KCP: variants seen among roughly 807,000 people sequenced by gnomAD.
KCP encodes kielin cysteine rich BMP regulator.
A neutral mutation model predicts 212.7 loss-of-function variants in KCP; 194 were observed. The observed-to-expected ratio is 0.91, with a 90% CI of 0.81 to 1.03. The LOEUF (loss-of-function observed/expected upper bound fraction) is 1.03, where lower values mean the gene tolerates loss of function less well. KCP is among the 50% of genes least tolerant of loss of function. The pLI, the probability that KCP is intolerant of heterozygous loss-of-function variation, is 0.00. For missense variants in KCP, 2,080 were observed against 2,162.5 expected, an observed-to-expected ratio of 0.96 and a Z score of 0.76; for synonymous variants, 833 against 865.3, an observed-to-expected ratio of 0.96 and a Z score of 0.65.
At chr7:128,894,172 C>T (rs1794373996) in intron 9 of KCP, 28 bp downstream of exon 9, 1 of 1,511,380 alleles carries the variant, frequency 6.6e-7, no homozygotes, top group East Asian at 2.5e-5. Context: ...CCACCATGGT[C>T]AGGCCTCTGC....
chr7:128,877,152 T>G lies in KCP; in HGVS notation c.4778A>C (p.His1593Pro). The G allele has an allele frequency of 1.3e-6, 2 of 1,501,976 alleles. No homozygotes were observed. Among genetic ancestry groups the G allele is most frequent in the Non-Finnish European group, 1.8e-6 (2 of 1,126,612 alleles). 93.0% of individuals were successfully genotyped at this position (1,501,976 alleles called of 1,614,324 possible). A position where few individuals can be genotyped will look rare whatever the true frequency, so the allele number is the denominator to read the frequency against. ...GCQCPAGLVEHEAHCIPPEAC... is the reference protein window; with the variant it reads ...GCQCPAGLVEPEAHCIPPEAC... The stretch of plus-strand genomic sequence containing the variant: ...CTCGGGTGGGATGCAGTGGGCCTCA[T>G]GCTCCACCAGGCCTGCAGGGCACTG... Residue 1593 changes from histidine to proline, a missense_variant, in exon 40 of 40, where the codon CAT (histidine) becomes CCT (proline). Physicochemically the swap from His to Pro is moderately conservative, Grantham distance 77 (BLOSUM62 -2). Transcript: ENST00000610776.
At chr7:128,901,948 CT>C (rs1554417013) in intron 8 of KCP, among the ~76,000 whole-genome samples, 1 of 152,196 alleles carries the variant, frequency 6.6e-6, no homozygotes, top group Non-Finnish European at 1.5e-5. Context: ...CCTACTTACC[CT>C]TTGAGGCCTA....
In KCP at chr7:128,891,458, C is replaced by T. The variant is rs1247920851; in HGVS notation, c.1871G>A (p.Arg624His). ...PHPSDPCRLC[R>H]CLSGNVQCLA... ...ACCCAGGTGCAGACTCACCAGACAG[C>T]GACACAGACGGCAGGGGTCAGAGGG... The change falls in exon 18 of 40, where the codon CGC becomes CAC. Residue 624 changes from arginine to histidine, a missense_variant. By Grantham distance (29) the Arg-to-His change is conservative. Coordinates refer to ENST00000610776, the MANE Select transcript of KCP (RefSeq NM_001366122.1). 2.3e-5 allele frequency: 36 copies of T among 1,550,304 alleles called. No homozygotes were observed. The highest frequency in any genetic ancestry group is 3.0e-5 in the Non-Finnish European group (34 of 1,146,730).
chr7:128,904,037 A>C lies in KCP; in HGVS notation c.654+19T>G. 1 of 1,548,738 alleles carries C rather than the reference A, an allele frequency of 6.5e-7. No homozygotes were observed. Among genetic ancestry groups the C allele is most frequent in the Non-Finnish European group, 8.7e-7 (1 of 1,144,462 alleles). On this transcript the variant is annotated intron_variant, in intron 6 of 39. Coordinates refer to ENST00000610776, the MANE Select transcript of KCP (RefSeq NM_001366122.1). Reference sequence around the variant, plus strand: ...CCAGGGAGGTGCAGGGCCTGGGCAGAGGGGACAGGTGGACTCACCAGGCAG... The same window carrying C: ...CCAGGGAGGTGCAGGGCCTGGGCAGCGGGGACAGGTGGACTCACCAGGCAG...
chr7:128,908,764 G>A (rs1270187544), intron 1 of KCP, among the ~76,000 whole-genome samples, 196 bp from the exon 2 acceptor site: 3 of 152,270 alleles, frequency 2.0e-5, no homozygotes, highest in African/African-American at 7.2e-5. Context: ...ACATGCGCCA[G>A]GTGGAGCTGC....
chr7:128,886,021 G>GTGA lies in KCP; in HGVS notation c.2866+440_2866+442dup, dbSNP rs373236319. 5.2e-3 allele frequency among the ~76,000 whole-genome samples: 786 copies of GTGA among 152,198 alleles called. 10 individuals are homozygous for GTGA. The highest frequency in any genetic ancestry group is 0.043 in the South Asian group (208 of 4,820). ...TATCTTGATGATGATGATGATGGTG[G>GTGA]TGATGATGATGATGATGATGAATGG... On this transcript the variant is annotated intron_variant, in intron 26 of 39. Coordinates refer to ENST00000610776, the MANE Select transcript of KCP (RefSeq NM_001366122.1).
chr7:128,876,981 G>A lies in KCP; in HGVS notation c.*62C>T, dbSNP rs1250048313. 3.3e-6 allele frequency: 5 copies of A among 1,514,938 alleles called. No individual in the cohort carries two copies. The highest frequency in any genetic ancestry group is 3.5e-6 in the Non-Finnish European group (4 of 1,134,390). 93.8% of individuals were successfully genotyped at this position (1,514,938 alleles called of 1,614,324 possible). ...TTCTCTCCATAGCCCTAACCAGGGTGGGAACTGCTCGCCAAGGGGAGACTC... is the reference window on the plus strand; with the variant it reads ...TTCTCTCCATAGCCCTAACCAGGGTAGGAACTGCTCGCCAAGGGGAGACTC... On this transcript the variant is annotated 3_prime_UTR_variant, in exon 40 of 40. Transcript: ENST00000610776.
Position 128,894,090 on chromosome 7 carries a change from G to T in KCP, c.926-35C>A, listed in dbSNP as rs1021848666. On this transcript the variant is annotated intron_variant, in intron 9 of 39. Transcript: ENST00000610776. ...AGGGGGGCCTTAGATGTTCCTCAGG[G>T]GCCCCTCCCCACCCTCTCCTGGCCT... The T allele has an allele frequency of 1.4e-5, 21 of 1,538,344 alleles. 1 individual carries two copies. The highest frequency in any genetic ancestry group is 1.8e-5 in the Non-Finnish European group (21 of 1,138,400).
rs1400905362 is a variant in KCP, at chr7:128,881,729, C to A, written c.3325-4G>T. On this transcript the variant is annotated splice_region_variant and splice_polypyrimidine_tract_variant and intron_variant, in intron 30 of 39. Coordinates refer to ENST00000610776, the MANE Select transcript of KCP (RefSeq NM_001366122.1). The stretch of plus-strand genomic sequence containing the variant: ...GGATGCAGAGCCATGTCAGGTCCTG[C>A]CCATGTGAACACAAGAGGTAGAGAA... The A allele has an allele frequency of 1.3e-6, 2 of 1,536,216 alleles. No individual in the cohort carries two copies. Among genetic ancestry groups the A allele is most frequent in the Admixed American group, 4.4e-5 (2 of 45,568 alleles).
chr7:128,880,598 C>G (rs886781519), intron 33 of KCP, 21 bp downstream of exon 33: 29 of 1,307,440 alleles, frequency 2.2e-5, no homozygotes, highest in Admixed American at 6.9e-5. Flanking sequence ...TTACCCCTCC[C>G]CCATCACCCT....
At chr7:128,882,945 G>A (rs1373938379) in intron 29 of KCP, among the ~76,000 whole-genome samples, 45 of 144,890 alleles carry the variant, frequency 3.1e-4, no homozygotes, top group Admixed American at 3.0e-3. Flanking sequence ...GATGGCGCAT[G>A]CCTATAATCC....
At position 128,890,348 on chromosome 7, in the gene KCP, C is replaced by T. The variant is rs1347491205; in HGVS notation, c.2330G>A (p.Cys777Tyr). 2.6e-6 allele frequency: 4 copies of T among 1,551,492 alleles called. No individual in the cohort carries two copies. The South Asian group carries it at 4.8e-5, about 18-fold the overall frequency. The change falls in exon 21 of 40, where the codon TGT (cysteine) becomes TAT (tyrosine). Residue 777 changes from cysteine (C) to tyrosine (Y), a missense_variant. Physicochemically the swap from Cys to Tyr is radical, Grantham distance 194. Transcript: ENST00000610776. ...FPARGDCCPD[C>Y]DGCEYLGESY... is the part of the protein sequence containing the mutation. ...CCCTATCCCATGACCCTCACCATCA[C>T]AGTCAGGGCAGCAGTCGCCCCTGGC...
Position 128,877,537 on chromosome 7 carries a change from C to T in KCP, c.4565G>A (p.Ser1522Asn), listed in dbSNP as rs750178478. The T allele has an allele frequency of 1.9e-6, 3 of 1,551,474 alleles. No homozygotes were observed. The South Asian group carries it at 3.6e-5, about 18-fold the overall frequency. ...CLCDALEAYA[S>N]HCRQAGVTPT... is the part of the protein sequence containing the mutation. ...TGTCACTCCTGCCTGGCGACAGTGA[C>T]TGGCGTAGGCTTCCAGGGCATCACA... The change falls in exon 39 of 40, where the codon AGT (serine) becomes AAT (asparagine). Residue 1522 changes from serine to asparagine, a missense_variant. Physicochemically the swap from Ser to Asn is conservative, Grantham distance 46 (BLOSUM62 1). Coordinates refer to ENST00000610776, the MANE Select transcript of KCP (RefSeq NM_001366122.1).
At chr7:128,878,805 G>A (rs1793145962) in intron 37 of KCP, 83 bp from the exon 38 acceptor site, 7 of 1,376,926 alleles carry the variant, frequency 5.1e-6, no homozygotes, top group Non-Finnish European at 5.9e-6. Flanking sequence ...CCCAGGCACT[G>A]TGTTCAGTGC....
At chr7:128,880,144 AC>A in intron 34 of KCP, 59 bp from the exon 35 acceptor site, 2 of 1,454,942 alleles carry the variant, frequency 1.4e-6, no homozygotes, top group Non-Finnish European at 1.8e-6. Context: ...CCTCTCGCAG[AC>A]CCTCCCAGAA....
At chr7:128,879,129 C>T (rs945285126) in intron 37 of KCP, 2 of 344,196 alleles carry the variant, frequency 5.8e-6, no homozygotes, top group Non-Finnish European at 1.1e-5. Context: ...GTTGTGTTTC[C>T]TGCTGGGGGC....
At chr7:128,908,724 CA>C (rs1460538593) in intron 1 of KCP, among the ~76,000 whole-genome samples, 156 bp from the exon 2 acceptor site, 1 of 152,230 alleles carries the variant, frequency 6.6e-6, no homozygotes, top group Admixed American at 6.5e-5. Context: ...GGGAAGCCAG[CA>C]CAGGCTGAAA....
At chr7:128,888,363 CA>C (rs1028836641) in intron 22 of KCP, among the ~76,000 whole-genome samples, 43 of 149,358 alleles carry the variant, frequency 2.9e-4, no homozygotes, top group South Asian at 1.9e-3. Flanking sequence ...CAGATACACC[CA>C]AACACACAGG....
intron 29 of KCP, among the ~76,000 whole-genome samples, chr7:128,882,617 C>A (rs1434132816): frequency 1.3e-5 from 2 of 152,146 alleles, no homozygotes; most frequent in Admixed American, 1.3e-4. Context: ...TGAAGCACCC[C>A]CTAGCAAGTG....
Sources: allele counts gnomAD v4.1 joint callset (sites outside exome capture counted in the v4.1 genomes callset), GRCh38; gene constraint gnomAD v4.1.1; transcripts MANE v1.5; gene names NCBI Gene and HGNC (gene_info 2026-07-23, HGNC 2026-07-21).